The following STARD13 variants were observed in gnomAD, a reference collection of about 807,000 sequenced individuals.
STARD13 encodes the protein stAR-related lipid transfer protein 13.
In STARD13, 62 loss-of-function variants were observed where a neutral mutation model predicts 106.4. That is an observed-to-expected ratio of 0.58 (90% confidence interval 0.48 to 0.72). The LOEUF (loss-of-function observed/expected upper bound fraction) is 0.72, where lower values mean the gene tolerates loss of function less well. Among genes scored for constraint, STARD13 ranks in the 30% least tolerant of loss-of-function variants. STARD13 has a pLI of 0.00. For synonymous variants in STARD13, 565 were observed against 553.0 expected, an observed-to-expected ratio of 1.02 and a Z score of -0.31; for missense variants, 1,387 against 1,424.0, an observed-to-expected ratio of 0.97 and a Z score of 0.42.
At chr13:33,124,109 C>A (rs1876786275) in intron 7 of STARD13, among the ~76,000 whole-genome samples, 1 of 152,204 alleles carries the variant, frequency 6.6e-6, no homozygotes, top group African/African-American at 2.4e-5. Context: ...CTTTTACTAG[C>A]TCTTGCTTGC....
intron 1 of STARD13, among the ~76,000 whole-genome samples, chr13:33,322,349 G>T (rs767110279): frequency 1.3e-5 from 2 of 152,156 alleles, no homozygotes; most frequent in Non-Finnish European, 2.9e-5. Context: ...TGTCCTACAG[G>T]CTCAAGGAGC....
chr13:33,267,096 G>A (rs574000523), intron 1 of STARD13, among the ~76,000 whole-genome samples: 20 of 152,238 alleles, frequency 1.3e-4, no homozygotes, highest in African/African-American at 4.6e-4. Flanking sequence ...ACACAAACTC[G>A]AGTGCAGCAG....
the STARD13 span, among the ~76,000 whole-genome samples, chr13:33,662,872 C>T: frequency 2.0e-5 from 3 of 152,102 alleles, no homozygotes; most frequent in African/African-American, 7.2e-5. Context: ...AATACGCTCT[C>T]CCTAAAAAAA....
At chr13:33,190,587 T>C (rs1442062179) in intron 1 of STARD13, among the ~76,000 whole-genome samples, 1 of 138,496 alleles carries the variant, frequency 7.2e-6, no homozygotes, top group African/African-American at 2.9e-5. Flanking sequence ...TCTTTTCTTT[T>C]CTTTTTTTTT....
rs547546556 is a variant in STARD13, at chr13:33,122,852, C to T, written c.2082+3229G>A. On this transcript the variant is annotated intron_variant, in intron 7 of 13. Transcript: ENST00000336934. ...GGTGGATCACCTGAGGTCAGGAGTT[C>T]GAGACCAGCCTGGCCAACATGGTGA... Among the ~76,000 whole-genome samples, 6 of 151,948 alleles carry T rather than the reference C, an allele frequency of 3.9e-5. No individual in the cohort carries two copies. In the East Asian group the frequency reaches 1.2e-3, roughly 29 times the overall value.
chr13:33,153,174 C>T (rs1593982280), intron 3 of STARD13, among the ~76,000 whole-genome samples: 1 of 152,134 alleles, frequency 6.6e-6, no homozygotes, highest in East Asian at 1.9e-4. Flanking sequence ...TTCAATTTAA[C>T]AAATGTTTAT....
At chr13:33,113,055 A>G in intron 8 of STARD13, 124 bp from the exon 9 acceptor site, 1 of 666,972 alleles carries the variant, frequency 1.5e-6, no homozygotes, top group Non-Finnish European at 2.5e-6. Flanking sequence ...AACAAAAACA[A>G]CCAGAACAGC....
At chr13:33,197,897 G>A (rs1350330346) in intron 1 of STARD13, among the ~76,000 whole-genome samples, 5 of 152,154 alleles carry the variant, frequency 3.3e-5, no homozygotes, top group African/African-American at 1.2e-4. Context: ...CAGGCCGGGC[G>A]CGGTGGCTCA....
At chr13:33,533,009 C>A in the STARD13 span, among the ~76,000 whole-genome samples, 1 of 152,180 alleles carries the variant, frequency 6.6e-6, no homozygotes, top group Non-Finnish European at 1.5e-5. Context: ...ACATATCAGT[C>A]ACCCATGGCT....
the STARD13 span, among the ~76,000 whole-genome samples, chr13:33,551,983 A>G: frequency 2.6e-5 from 4 of 152,180 alleles, no homozygotes; most frequent in African/African-American, 9.6e-5. Context: ...ACCATTAAAG[A>G]CCTGCAGTGA....
intron 1 of STARD13, among the ~76,000 whole-genome samples, chr13:33,331,682 A>G (rs892432890): frequency 1.3e-5 from 2 of 151,846 alleles, no homozygotes; most frequent in African/African-American, 4.8e-5. Context: ...TCATTCTTCT[A>G]CTACCATACT....
At chr13:33,289,805 C>T (rs1302645114), upstream of STARD13, among the ~76,000 whole-genome samples, 4 of 152,194 alleles carry the variant, frequency 2.6e-5, no homozygotes, top group East Asian at 7.8e-4. Context: ...AAGCCACAAG[C>T]CCTCTTAGGA....
chr13:33,604,835 A>G, the STARD13 span, among the ~76,000 whole-genome samples: 1 of 152,088 alleles, frequency 6.6e-6, no homozygotes, highest in Non-Finnish European at 1.5e-5. Context: ...GAAAATGTCT[A>G]AAAAGCTAGA....
At chr13:33,535,404 C>A in the STARD13 span, among the ~76,000 whole-genome samples, 3 of 152,046 alleles carry the variant, frequency 2.0e-5, no homozygotes, top group African/African-American at 7.2e-5. Flanking sequence ...TGAACTATAA[C>A]AATTTCAAAT....
chr13:33,201,175 C>G (rs544420094), intron 1 of STARD13, among the ~76,000 whole-genome samples: 1 of 152,318 alleles, frequency 6.6e-6, no homozygotes, highest in South Asian at 2.1e-4. Context: ...CACTAGCAAT[C>G]CTTAGCTCTG....
intron 1 of STARD13, among the ~76,000 whole-genome samples, chr13:33,303,278 T>C (rs1892787745): frequency 6.6e-6 from 1 of 152,152 alleles, no homozygotes; most frequent in African/African-American, 2.4e-5. Context: ...ACCCACAATA[T>C]CCCACGCACA....
At chr13:33,124,747 G>A (rs7335384) in intron 7 of STARD13, among the ~76,000 whole-genome samples, 13 of 152,236 alleles carry the variant, frequency 8.5e-5, no homozygotes, top group African/African-American at 2.9e-4. Context: ...CTTAAGTAAC[G>A]AGATTCATTG....
the STARD13 span, among the ~76,000 whole-genome samples, chr13:33,506,668 C>T: frequency 7.9e-5 from 12 of 152,108 alleles, no homozygotes; most frequent in East Asian, 2.1e-3. Context: ...AAGATACATT[C>T]GAAGGGCAAA....
chr13:33,373,384 A>G, the STARD13 span, among the ~76,000 whole-genome samples: 3 of 152,204 alleles, frequency 2.0e-5, no homozygotes. Flanking sequence ...GTGATAAATC[A>G]TTAACTAAGC....
Sources: gnomAD v4.1 joint callset for allele counts (sites outside exome capture counted in the v4.1 genomes callset) on GRCh38, gnomAD v4.1.1 for gene constraint, MANE v1.5 for transcripts, NCBI Gene and HGNC (gene_info 2026-07-23, HGNC 2026-07-21) for gene names.